The following NDUFC2 variants were observed in gnomAD, a reference collection of about 807,000 sequenced individuals.
NDUFC2 encodes the protein NADH dehydrogenase [ubiquinone] 1 subunit C2.
A neutral mutation model predicts 10.1 loss-of-function variants in NDUFC2; 2 were observed. That is an observed-to-expected ratio of 0.20 (90% confidence interval 0.08 to 0.62). The LOEUF (loss-of-function observed/expected upper bound fraction) is 0.62. Ranked by LOEUF, NDUFC2 falls within the 20% of genes least tolerant of loss-of-function variation. NDUFC2 has a pLI of 0.87. For missense variants in NDUFC2, 156 were observed against 159.6 expected (o/e 0.98, Z 0.12); for synonymous variants, 61 against 63.6 (o/e 0.96, Z 0.20).
Position 78,079,818 on chromosome 11 carries a change from G to T in NDUFC2, c.-74C>A, listed in dbSNP as rs1057047667. 2.7e-6 allele frequency: 4 copies of T among 1,498,272 alleles called. No homozygotes were observed. The highest frequency in any genetic ancestry group is 2.7e-6 in the Non-Finnish European group (3 of 1,124,104). The allele number at this position is 1,498,272 out of a possible 1,614,324, so 92.8% of individuals were successfully genotyped here. ...GGAAAACCACGACGACCACTACCCC[G>T]GCCTAAGCGGTCAGCTTTCTCCTCC... On this transcript the variant is annotated 5_prime_UTR_variant, in exon 1 of 3. Transcript: ENST00000281031.
chr11:78,076,561 C>A (rs1419462959), intron 1 of NDUFC2, among the ~76,000 whole-genome samples: 1 of 152,204 alleles, frequency 6.6e-6, no homozygotes, highest in African/African-American at 2.4e-5. Context: ...GGACCTAAAT[C>A]TTCCAAAGCA....
chr11:78,072,850 T>C, intron 2 of NDUFC2, 148 bp downstream of exon 2: 6 of 1,146,844 alleles, frequency 5.2e-6, no homozygotes, highest in Non-Finnish European at 7.3e-6. Flanking sequence ...AAACTGGATA[T>C]ATTAATTCAA....
Position 78,077,113 on chromosome 11 carries a change from A to C in NDUFC2, c.166+2466T>G, listed in dbSNP as rs1859282191. ...TTGAGACCAGCCTGGCCAAGATGGC[A>C]AGACCCCATCTCTACAAAAAATTTT... On this transcript the variant is annotated intron_variant, in intron 1 of 2. Coordinates refer to ENST00000281031, the MANE Select transcript of NDUFC2 (RefSeq NM_004549.6). Among the ~76,000 whole-genome samples, 4 of 152,040 alleles carry C rather than the reference A, an allele frequency of 2.6e-5. 1 individual carries two copies. The South Asian group carries it at 8.3e-4, about 32-fold the overall frequency.
intron 1 of NDUFC2, among the ~76,000 whole-genome samples, chr11:78,078,834 T>A (rs563742098): frequency 6.7e-6 from 1 of 148,168 alleles, no homozygotes; most frequent in South Asian, 2.2e-4. Context: ...CAAACGACCC[T>A]CCTGCCTCAG....
intron 2 of NDUFC2, 29 bp from the exon 3 acceptor site, chr11:78,070,065 AT>A (rs1475013931): frequency 7.0e-7 from 1 of 1,422,736 alleles, no homozygotes; most frequent in Non-Finnish European, 9.7e-7. Flanking sequence ...TAAAAGATTT[AT>A]TTTAAAAATA....
intron 2 of NDUFC2, among the ~76,000 whole-genome samples, chr11:78,070,823 C>T (rs1439279684): frequency 1.3e-5 from 2 of 152,206 alleles, no homozygotes; most frequent in Non-Finnish European, 2.9e-5. Flanking sequence ...CTTGGCACAA[C>T]TGCCACTAAT....
At chr11:78,078,088 C>T (rs1859325362) in intron 1 of NDUFC2, among the ~76,000 whole-genome samples, 1 of 152,182 alleles carries the variant, frequency 6.6e-6, no homozygotes, top group Non-Finnish European at 1.5e-5. Context: ...AGCTGACCTT[C>T]AGGCATGACA....
intron 1 of NDUFC2, among the ~76,000 whole-genome samples, chr11:78,073,777 G>C (rs892409540): frequency 7.0e-6 from 1 of 142,370 alleles, no homozygotes; most frequent in Non-Finnish European, 1.5e-5. Context: ...ACTCCAGCCT[G>C]GGGGACGGAG....
At chr11:78,073,802 A>AT (rs1491588008) in intron 1 of NDUFC2, among the ~76,000 whole-genome samples, 1,086 of 6,456 alleles carry the variant, frequency 0.17, 7 homozygotes, top group African/African-American at 0.36. Context: ...GCTCTGTCTC[A>AT]AAAAAAAAAA....
chr11:78,076,800 T>C (rs1490823903), intron 1 of NDUFC2, among the ~76,000 whole-genome samples: 3 of 152,204 alleles, frequency 2.0e-5, no homozygotes, highest in South Asian at 4.1e-4. Flanking sequence ...AAGTGGTACA[T>C]ACGTCACATT....
chr11:78,074,839 T>C (rs1002290561), intron 1 of NDUFC2, among the ~76,000 whole-genome samples: 1 of 152,212 alleles, frequency 6.6e-6, no homozygotes, highest in Non-Finnish European at 1.5e-5. Context: ...TGTTCTCCCA[T>C]GTGCCACTGG....
chr11:78,079,429 G>C (rs1859409900), intron 1 of NDUFC2, 150 bp downstream of exon 1: 1 of 1,130,358 alleles, frequency 8.8e-7, no homozygotes, highest in African/African-American at 1.6e-5. Flanking sequence ...AAGAGCTAAT[G>C]GGGCGCGGAC....
chr11:78,077,742 G>A (rs1859312933), intron 1 of NDUFC2, among the ~76,000 whole-genome samples: 1 of 152,010 alleles, frequency 6.6e-6, no homozygotes, highest in South Asian at 2.1e-4. Context: ...TTTTTTTGTA[G>A]AGACAGGGTC....
Position 78,079,504 on chromosome 11 carries a change from G to C in NDUFC2, c.166+75C>G. 2.0e-6 allele frequency: 3 copies of C among 1,503,644 alleles called. No individual in the cohort carries two copies. The East Asian group carries it at 7.6e-5, about 38-fold the overall frequency. The allele number at this position is 1,503,644 out of a possible 1,614,324, so 93.1% of individuals were successfully genotyped here. ...CACGGAAAAGCAGAGCACCTCAGGG[G>C]GGCCTACGGCCGGGCCAGTCTGCAG... On this transcript the variant is annotated intron_variant, in intron 1 of 2. Transcript: ENST00000281031.
chr11:78,069,397 A>T lies in NDUFC2; in HGVS notation c.*590T>A, dbSNP rs1297700446. ...GTCTCCTCCTTCGAAACCACCTTCT[A>T]TATCATTCATTATAGACAGCTCAGA... is the stretch of plus-strand genomic sequence containing the variant. On this transcript the variant is annotated 3_prime_UTR_variant, in exon 3 of 3. Coordinates refer to ENST00000281031, the MANE Select transcript of NDUFC2 (RefSeq NM_004549.6). 1 of 154,226 alleles carries T rather than the reference A, an allele frequency of 6.5e-6. No homozygotes were observed. Among genetic ancestry groups the T allele is most frequent in the Non-Finnish European group, 1.4e-5 (1 of 69,604 alleles). 9.6% of individuals were successfully genotyped at this position (154,226 alleles called of 1,614,324 possible).
At chr11:78,075,362 G>C (rs909203807) in intron 1 of NDUFC2, among the ~76,000 whole-genome samples, 7 of 152,202 alleles carry the variant, frequency 4.6e-5, no homozygotes, top group African/African-American at 1.4e-4. Flanking sequence ...GAATTTGAAT[G>C]TTCCCAACAT....
At position 78,068,782 on chromosome 11, in the gene NDUFC2, CTCAAA is replaced by C. The variant is rs1858857394; in HGVS notation, c.*1200_*1204del. The C allele has an allele frequency of 2.6e-4, 36 of 137,826 alleles. No homozygotes were observed. Among genetic ancestry groups the C allele is most frequent in the Non-Finnish European group, 2.0e-4 (13 of 64,532 alleles). 8.5% of individuals were successfully genotyped at this position (137,826 alleles called of 1,614,324 possible). ...CCTGATGACAGAGCAAGACTGTCGT[CTCAAA>C]AAAAAAAAAAAAAATACCACATATA... On this transcript the variant is annotated 3_prime_UTR_variant, in exon 3 of 3. Coordinates refer to ENST00000281031, the MANE Select transcript of NDUFC2 (RefSeq NM_004549.6).
chr11:78,070,288 T>C (rs1858946995), intron 2 of NDUFC2, among the ~76,000 whole-genome samples: 1 of 152,090 alleles, frequency 6.6e-6, no homozygotes, highest in Admixed American at 6.6e-5. Context: ...GGGACCTTGT[T>C]TGCCTCTTCT....
intron 1 of NDUFC2, among the ~76,000 whole-genome samples, chr11:78,074,612 C>CA (rs561855044): frequency 0.013 from 1,672 of 124,748 alleles, 14 homozygotes; most frequent in Middle Eastern, 0.03. Flanking sequence ...GACTCTGTCT[C>CA]AAAAAAAAAA....
Sources: gnomAD v4.1 joint callset for allele counts (sites outside exome capture counted in the v4.1 genomes callset) on GRCh38, gnomAD v4.1.1 for gene constraint, MANE v1.5 for transcripts, NCBI Gene and HGNC (gene_info 2026-07-23, HGNC 2026-07-21) for gene names.